Variants in RAB40B observed in about 807,000 individuals in gnomAD.
RAB40B encodes ras-related protein Rab-40B.
Under a neutral mutation model 24.0 loss-of-function variants are expected in RAB40B, and 21 were observed. The observed-to-expected ratio is 0.88, with a 90% CI of 0.62 to 1.26. The LOEUF is 1.26. RAB40B is among the 50% of genes most tolerant of loss of function. RAB40B has a pLI of 0.00. For synonymous variants in RAB40B, 167 were observed against 169.8 expected (o/e 0.98, Z 0.13); for missense variants, 348 against 390.5 (o/e 0.89, Z 0.92).
chr17:82,683,088 A>G (rs1199968698), intron 1 of RAB40B, among the ~76,000 whole-genome samples: 1 of 152,258 alleles, frequency 6.6e-6, no homozygotes, highest in Middle Eastern at 3.2e-3. Context: ...GCTTGCAGTG[A>G]GCCGAGATCA....
intron 1 of RAB40B, among the ~76,000 whole-genome samples, chr17:82,687,320 G>A (rs1315590950): frequency 1.3e-5 from 2 of 152,012 alleles, no homozygotes; most frequent in Admixed American, 6.6e-5. Flanking sequence ...ATAACTTCTG[G>A]CCTTATGTAT....
chr17:82,678,879 G>GTTTTTTTTTTTTTTTTTTT (rs35848277), intron 1 of RAB40B, among the ~76,000 whole-genome samples: 1 of 99,164 alleles, frequency 1.0e-5, no homozygotes, highest in African/African-American at 3.9e-5. Flanking sequence ...CCCTTTCTGC[G>GTTTTTTTTTTTTTTTTTTT]TTTTTTTTTT....
intron 1 of RAB40B, among the ~76,000 whole-genome samples, chr17:82,686,090 C>A (rs1325361555): frequency 1.4e-5 from 2 of 146,916 alleles, no homozygotes; most frequent in South Asian, 2.2e-4. Flanking sequence ...GCGTGAGCCA[C>A]CGCACCCAGC....
rs901981901 is a variant in RAB40B at position 82,685,387 on chromosome 17, T to G, written c.142+13068A>C. Among the ~76,000 whole-genome samples, 8 of 151,990 alleles carry G rather than the reference T, an allele frequency of 5.3e-5. No homozygotes were observed. The East Asian group carries it at 1.5e-3, about 29-fold the overall frequency. ...TGAACGCAGATTCCTGGGGCCTCCT[T>G]GGAGTCACCAAGTCCTTCACCGCAC... is the stretch of plus-strand genomic sequence containing the variant. On this transcript the variant is annotated intron_variant, in intron 1 of 5. Coordinates refer to ENST00000571995, the MANE Select transcript of RAB40B (RefSeq NM_006822.3).
chr17:82,688,298 C>G lies in RAB40B; in HGVS notation c.142+10157G>C, dbSNP rs749903212. On this transcript the variant is annotated intron_variant, in intron 1 of 5. Transcript: ENST00000571995. ...GGGATTACAGGTGTGAGCCACCATG[C>G]CTGGCCCTCATGACCACTTTTAAAA... 1.2e-3 allele frequency among the ~76,000 whole-genome samples: 175 copies of G among 151,954 alleles called. 1 individual carries two copies. Among genetic ancestry groups the G allele is most frequent in the Non-Finnish European group, 2.2e-4 (15 of 67,970 alleles).
At position 82,698,606 on chromosome 17, in the gene RAB40B, C is replaced by T; in HGVS notation, c.-10G>A. Reference sequence around the variant, plus strand: ...TGCCCAGGGCGCTCATCGTGACGGCCCGGCGCCCCCACCCATGCCCGGCCT... The same window carrying T: ...TGCCCAGGGCGCTCATCGTGACGGCTCGGCGCCCCCACCCATGCCCGGCCT... On this transcript the variant is annotated 5_prime_UTR_variant, in exon 1 of 6. Coordinates refer to ENST00000571995, the MANE Select transcript of RAB40B (RefSeq NM_006822.3). 1.4e-6 allele frequency: 2 copies of T among 1,444,150 alleles called. No individual in the cohort carries two copies. The highest frequency in any genetic ancestry group is 1.3e-5 in the South Asian group (1 of 74,454). The allele number at this position is 1,444,150 out of a possible 1,614,324, so 89.5% of individuals were successfully genotyped here. A position where few individuals can be genotyped will look rare whatever the true frequency, so the allele number is the denominator to read the frequency against.
rs544431041 is a variant in RAB40B, at chr17:82,669,438, T to G, written c.143-4882A>C. 6.5e-4 allele frequency among the ~76,000 whole-genome samples: 98 copies of G among 151,618 alleles called. 2 individuals carry two copies. In the South Asian group the frequency reaches 0.019, roughly 30 times the overall value. ...TGTGGTGAGCCGAGATCACACCATT[T>G]CACTCCAGCCTGGGCAACAAGAGCG... On this transcript the variant is annotated intron_variant, in intron 1 of 5. Coordinates refer to ENST00000571995, the MANE Select transcript of RAB40B (RefSeq NM_006822.3).
chr17:82,670,178 CTTTTTTTTTTT>C (rs71168131), intron 1 of RAB40B, among the ~76,000 whole-genome samples: 1 of 81,272 alleles, frequency 1.2e-5, no homozygotes, highest in East Asian at 3.8e-4. Context: ...GGCCAACAAT[CTTTTTTTTTTT>C]TTTTTTTTTT....
At chr17:82,678,359 C>T (rs918842107) in intron 1 of RAB40B, among the ~76,000 whole-genome samples, 11 of 152,092 alleles carry the variant, frequency 7.2e-5, no homozygotes, top group Admixed American at 6.6e-4. Flanking sequence ...GAACAAAGCC[C>T]GTCAGAATGT....
intron 1 of RAB40B, among the ~76,000 whole-genome samples, chr17:82,679,781 G>A (rs908420964): frequency 2.0e-5 from 3 of 152,214 alleles, no homozygotes; most frequent in Non-Finnish European, 4.4e-5. Context: ...ACAGGGCAGG[G>A]GCCAGCTTCC....
intron 1 of RAB40B, among the ~76,000 whole-genome samples, chr17:82,673,041 T>G (rs542941586): frequency 6.0e-4 from 91 of 152,210 alleles, no homozygotes; most frequent in African/African-American, 2.0e-3. Context: ...TCATCTCTAC[T>G]AAAAATACAA....
At chr17:82,676,795 T>G (rs2046399023) in intron 1 of RAB40B, among the ~76,000 whole-genome samples, 1 of 151,786 alleles carries the variant, frequency 6.6e-6, no homozygotes, top group Non-Finnish European at 1.5e-5. Flanking sequence ...ACCTGGATAA[T>G]TTTTTATTTT....
intron 1 of RAB40B, among the ~76,000 whole-genome samples, chr17:82,694,349 G>A (rs2046587441): frequency 6.6e-6 from 1 of 151,288 alleles, no homozygotes; most frequent in Non-Finnish European, 1.5e-5. Context: ...GGCCAACATG[G>A]AAACCCCGTC....
intron 1 of RAB40B, among the ~76,000 whole-genome samples, chr17:82,693,528 C>T (rs763864160): frequency 6.6e-6 from 1 of 152,302 alleles, no homozygotes; most frequent in Non-Finnish European, 1.5e-5. Context: ...CAGACATTTG[C>T]GTGCCTGATA....
At chr17:82,661,283 G>T in intron 2 of RAB40B, 1 of 1,306,668 alleles carries the variant, frequency 7.7e-7, no homozygotes, top group African/African-American at 1.5e-5. Context: ...AGAAAAAATA[G>T]TGACGGTTTT....
intron 3 of RAB40B, among the ~76,000 whole-genome samples, chr17:82,660,608 T>C (rs2046157867): frequency 6.9e-6 from 1 of 145,366 alleles, no homozygotes; most frequent in Non-Finnish European, 1.5e-5. Context: ...ACACTGCACA[T>C]ACCTGCACAC....
intron 1 of RAB40B, among the ~76,000 whole-genome samples, chr17:82,695,441 T>G (rs1472724105): frequency 6.6e-6 from 1 of 151,132 alleles, no homozygotes; most frequent in South Asian, 2.1e-4. Flanking sequence ...CCGCCCACCT[T>G]GGCCTCCCCA....
chr17:82,678,990 C>T lies in RAB40B; in HGVS notation c.143-14434G>A, dbSNP rs12943248. Among the ~76,000 whole-genome samples, 1,305 of 143,748 alleles carry T rather than the reference C, an allele frequency of 9.1e-3. 9 individuals are homozygous for T. Among genetic ancestry groups the T allele is most frequent in the Non-Finnish European group, 0.014 (932 of 66,864 alleles). 94.3% of individuals were successfully genotyped at this position (143,748 alleles called of 152,430 possible). On this transcript the variant is annotated intron_variant, in intron 1 of 5. Transcript: ENST00000571995. ...CTCCGCCTCCCAGGTTCACACCATT[C>T]TCCTGCCTCAGCCTCCCAGGTAGCT...
rs146244829 is a variant in RAB40B at position 82,657,772 on chromosome 17, G to C, written c.*91C>G. On this transcript the variant is annotated 3_prime_UTR_variant, in exon 6 of 6. Transcript: ENST00000571995. ...ATTCGCAAGCAGCATTCGCCGAGAG[G>C]AACCGGGATCTGAGATGCATCCACC... The C allele has an allele frequency of 1.4e-6, 2 of 1,446,532 alleles. No individual in the cohort carries two copies. The highest frequency in any genetic ancestry group is 1.9e-6 in the Non-Finnish European group (2 of 1,028,204). The allele number at this position is 1,446,532 out of a possible 1,614,324, so 89.6% of individuals were successfully genotyped here.
Sources: gnomAD v4.1 joint callset for allele counts (sites outside exome capture counted in the v4.1 genomes callset) on GRCh38, gnomAD v4.1.1 for gene constraint, MANE v1.5 for transcripts, NCBI Gene and HGNC (gene_info 2026-07-23, HGNC 2026-07-21) for gene names.